The following CXADR variants were observed in gnomAD, a reference collection of about 807,000 sequenced individuals.
CXADR encodes CXADR cell adhesion molecule.
In CXADR, 20 loss-of-function variants were observed where a neutral mutation model predicts 40.3. The ratio of observed to expected loss-of-function variants is 0.50; its 90% CI spans 0.35 to 0.72. CXADR has a LOEUF of 0.72. CXADR is among the 30% of genes least tolerant of loss of function. The pLI is 0.01. For synonymous variants in CXADR, 150 were observed against 161.3 expected (o/e 0.93, Z 0.53); for missense variants, 332 against 449.1 (o/e 0.74, Z 2.36).
chr21:17,609,189 A>G, the CXADR span: 1 of 1,581,240 alleles, frequency 6.3e-7, no homozygotes, highest in Non-Finnish European at 8.6e-7. Flanking sequence ...GAAAAACAAA[A>G]TATAAAAACT....
chr21:17,566,156 A>C lies in CXADR; in HGVS notation c.*464A>C. The stretch of plus-strand genomic sequence containing the variant: ...AAATTAGTACAGAAATATCCATGAC[A>C]AAATTACTTACGTATGTTTGTACTT... On this transcript the variant is annotated 3_prime_UTR_variant, in exon 7 of 7. Transcript: ENST00000284878. 1 of 985,054 alleles carries C rather than the reference A, an allele frequency of 1.0e-6. No homozygotes were observed. The allele number at this position is 985,054 out of a possible 1,614,324, so 61.0% of individuals were successfully genotyped here.
the CXADR span, among the ~76,000 whole-genome samples, chr21:17,631,173 T>C: frequency 6.6e-6 from 1 of 152,228 alleles, no homozygotes; most frequent in Non-Finnish European, 1.5e-5. Context: ...AGCCTAAATA[T>C]AGAACTTACC....
chr21:17,616,655 T>C, the CXADR span, among the ~76,000 whole-genome samples: 1 of 152,160 alleles, frequency 6.6e-6, no homozygotes, highest in African/African-American at 2.4e-5. Context: ...GAGAAACTGG[T>C]ATGTAACATA....
intron 6 of CXADR, 51 bp downstream of exon 6, chr21:17,561,527 T>C: frequency 6.7e-7 from 1 of 1,500,188 alleles, no homozygotes; most frequent in Non-Finnish European, 9.1e-7. Flanking sequence ...ATATGTCATT[T>C]CTCTAAAGCA....
chr21:17,585,586 C>T (rs1418431994), intron 7 of CXADR, among the ~76,000 whole-genome samples: 4 of 152,118 alleles, frequency 2.6e-5, no homozygotes, highest in Non-Finnish European at 4.4e-5. Flanking sequence ...GGCGCCATCT[C>T]GGCTCACTGC....
chr21:17,618,022 C>T, the CXADR span, among the ~76,000 whole-genome samples: 5 of 152,290 alleles, frequency 3.3e-5, no homozygotes, highest in East Asian at 3.9e-4. Flanking sequence ...CAACAATGTT[C>T]GTAGCATCTT....
intron 7 of CXADR, among the ~76,000 whole-genome samples, chr21:17,590,005 A>G (rs2061423725): frequency 6.6e-6 from 1 of 152,100 alleles, no homozygotes; most frequent in Admixed American, 6.6e-5. Flanking sequence ...CACAGAAATG[A>G]TCCATTAAAC....
At position 17,539,788 on chromosome 21, in the gene CXADR, T is replaced by C. The variant is rs190617700; in HGVS notation, c.44-7239T>C. ...GCTAATGGATTGAAAAGTACATTTT[T>C]CCATCATTTTGCGAATTCCCAATAT... On this transcript the variant is annotated intron_variant, in intron 1 of 6. Transcript: ENST00000284878. Among the ~76,000 whole-genome samples, 615 of 152,286 alleles carry C rather than the reference T, an allele frequency of 4.0e-3. 2 individuals are homozygous for C. The highest frequency in any genetic ancestry group is 6.8e-3 in the Middle Eastern group (2 of 294).
At chr21:17,593,415 C>CTGA in exon 8 of CXADR, 1 of 338,286 alleles carries the variant, frequency 3.0e-6, no homozygotes, top group Non-Finnish European at 5.4e-6. Context: ...TATAGTGACA[C>CTGA]TGATAGTTAA....
intron 7 of CXADR, among the ~76,000 whole-genome samples, chr21:17,577,764 A>G (rs969863354): frequency 6.6e-6 from 1 of 151,962 alleles, no homozygotes; most frequent in Non-Finnish European, 1.5e-5. Context: ...ATCATCTTGC[A>G]TAATTAAAAC....
intron 7 of CXADR, among the ~76,000 whole-genome samples, chr21:17,586,860 G>A (rs1181738737): frequency 6.6e-6 from 1 of 152,044 alleles, no homozygotes; most frequent in African/African-American, 2.4e-5. Flanking sequence ...TTAACATTAG[G>A]TGTATCTCCT....
chr21:17,590,974 T>C (rs778819036), intron 7 of CXADR, among the ~76,000 whole-genome samples: 9 of 152,068 alleles, frequency 5.9e-5, no homozygotes, highest in Admixed American at 1.3e-4. Flanking sequence ...ACAAGAAACT[T>C]GGCCAAAGAT....
intron 1 of CXADR, among the ~76,000 whole-genome samples, chr21:17,546,337 C>G (rs1320532554): frequency 6.6e-6 from 1 of 152,092 alleles, no homozygotes; most frequent in African/African-American, 2.4e-5. Context: ...CATGACTGAC[C>G]GTATTAGTCC....
chr21:17,574,126 T>G (rs1265681733), downstream of CXADR, among the ~76,000 whole-genome samples: 1 of 152,184 alleles, frequency 6.6e-6, no homozygotes, highest in African/African-American at 2.4e-5. Flanking sequence ...AGAAAGGTGA[T>G]GCACAAAGTA....
At position 17,513,045 on chromosome 21, in the gene CXADR, T is replaced by G. The variant is rs2060409841; in HGVS notation, c.-85T>G. 1.6e-6 allele frequency: 2 copies of G among 1,254,756 alleles called. No individual in the cohort carries two copies. The highest frequency in any genetic ancestry group is 2.0e-6 in the Non-Finnish European group (2 of 976,506). The allele number at this position is 1,254,756 out of a possible 1,614,324, so 77.7% of individuals were successfully genotyped here. Reference sequence around the variant, plus strand: ...AGGTGCCGCCGCCGCCGCGAGCCAGTCGGGAGCGCGCGAGGCGCGGGGAGC... The same window carrying G: ...AGGTGCCGCCGCCGCCGCGAGCCAGGCGGGAGCGCGCGAGGCGCGGGGAGC... On this transcript the variant is annotated 5_prime_UTR_variant, in exon 1 of 7. Transcript: ENST00000284878.
intron 1 of CXADR, among the ~76,000 whole-genome samples, chr21:17,523,186 G>A (rs552361069): frequency 5.3e-5 from 8 of 152,234 alleles, no homozygotes; most frequent in South Asian, 2.1e-4. Flanking sequence ...CAAGCATGCC[G>A]ATACTGTCAT....
chr21:17,601,867 A>G, the CXADR span, among the ~76,000 whole-genome samples: 1 of 152,232 alleles, frequency 6.6e-6, no homozygotes, highest in East Asian at 1.9e-4. Context: ...TTGAAGGATC[A>G]GCATTATTAA....
chr21:17,567,149 A>T lies in CXADR; in HGVS notation c.*1457A>T. ...AATACGGTCTGCAATAAATTATTTCACTAGCTCTAAAACCTTTCCCTAGAT... is the reference window on the plus strand; with the variant it reads ...AATACGGTCTGCAATAAATTATTTCTCTAGCTCTAAAACCTTTCCCTAGAT... On this transcript the variant is annotated 3_prime_UTR_variant, in exon 7 of 7. Transcript: ENST00000284878. The T allele has an allele frequency of 4.1e-6, 4 of 984,780 alleles. No homozygotes were observed. Among genetic ancestry groups the T allele is most frequent in the Non-Finnish European group, 4.8e-6 (4 of 829,372 alleles). 61.0% of individuals were successfully genotyped at this position (984,780 alleles called of 1,614,324 possible). A position where few individuals can be genotyped will look rare whatever the true frequency, so the allele number is the denominator to read the frequency against.
chr21:17,600,807 A>T, the CXADR span, among the ~76,000 whole-genome samples: 1 of 152,364 alleles, frequency 6.6e-6, no homozygotes, highest in East Asian at 1.9e-4. Context: ...ATGAAACTAT[A>T]AATACTACTT....
Sources: allele counts gnomAD v4.1 joint callset (sites outside exome capture counted in the v4.1 genomes callset), GRCh38; gene constraint gnomAD v4.1.1; transcripts MANE v1.5; gene names NCBI Gene and HGNC (gene_info 2026-07-23, HGNC 2026-07-21).